Variants in KIAA0513 observed in about 807,000 individuals in gnomAD.
KIAA0513 encodes KIAA0513.
KIAA0513 carries 39 observed loss-of-function variants against 56.5 expected under a neutral mutation model. That is an observed-to-expected ratio of 0.69 (90% CI 0.53 to 0.90). The LOEUF is 0.90. Among genes scored for constraint, KIAA0513 ranks in the 40% least tolerant of loss-of-function variants. The pLI is 0.00. For synonymous variants in KIAA0513, 268 were observed against 215.6 expected (o/e 1.24, Z -2.13); for missense variants, 591 against 535.2 (o/e 1.10, Z -1.03).
At chr16:85,044,754 T>A (rs1013003897) in intron 1 of KIAA0513, among the ~76,000 whole-genome samples, 3 of 151,834 alleles carry the variant, frequency 2.0e-5, no homozygotes, top group African/African-American at 7.2e-5. Context: ...GATCCGCCTG[T>A]CTCAGCCTCC....
chr16:85,039,117 T>C (rs1374309347), intron 1 of KIAA0513, among the ~76,000 whole-genome samples: 2 of 152,232 alleles, frequency 1.3e-5, no homozygotes, highest in African/African-American at 4.8e-5. Context: ...ATAATACTTG[T>C]TGAGTGATTG....
intron 1 of KIAA0513, among the ~76,000 whole-genome samples, chr16:85,031,364 A>G (rs1227688156): frequency 6.6e-6 from 1 of 152,132 alleles, no homozygotes; most frequent in Non-Finnish European, 1.5e-5. Context: ...CAAACCTGTA[A>G]TCCCAGCTAC....
intron 1 of KIAA0513, among the ~76,000 whole-genome samples, chr16:85,042,795 A>G (rs1401341691): frequency 6.6e-6 from 1 of 152,252 alleles, no homozygotes; most frequent in Admixed American, 6.5e-5. Flanking sequence ...AGCAGGCAGC[A>G]GTCGGCTTGG....
chr16:85,039,533 G>C (rs1308965145), intron 1 of KIAA0513, among the ~76,000 whole-genome samples: 3 of 152,088 alleles, frequency 2.0e-5, no homozygotes, highest in Non-Finnish European at 4.4e-5. Context: ...TGAATTCCTG[G>C]GTTCAAGCGA....
chr16:85,088,246 T>C (rs979337208), intron 12 of KIAA0513, 30 bp from the exon 13 acceptor site: 4 of 1,605,480 alleles, frequency 2.5e-6, no homozygotes, highest in Non-Finnish European at 3.4e-6. Flanking sequence ...CTGTCTTTCA[T>C]CTGAGAAATA....
At chr16:85,057,468 A>T (rs2073345964) in intron 1 of KIAA0513, among the ~76,000 whole-genome samples, 1 of 152,138 alleles carries the variant, frequency 6.6e-6, no homozygotes, top group Non-Finnish European at 1.5e-5. Flanking sequence ...GCAGGTGTGG[A>T]GGAAGGAGCA....
intron 1 of KIAA0513, among the ~76,000 whole-genome samples, chr16:85,046,396 T>G (rs2073171818): frequency 6.6e-6 from 1 of 152,214 alleles, no homozygotes; most frequent in Non-Finnish European, 1.5e-5. Flanking sequence ...GCGAACTCCC[T>G]AAATTCTCCC....
intron 1 of KIAA0513, among the ~76,000 whole-genome samples, chr16:85,035,569 C>T (rs1029903930): frequency 6.6e-6 from 1 of 152,218 alleles, no homozygotes; most frequent in Non-Finnish European, 1.5e-5. Context: ...CCGCTCACTG[C>T]AGCCTTGATC....
At chr16:85,073,594 G>A (rs2073611411) in intron 4 of KIAA0513, among the ~76,000 whole-genome samples, 1 of 152,220 alleles carries the variant, frequency 6.6e-6, no homozygotes. Flanking sequence ...CTCTTCTCAG[G>A]AGCATGACTC....
At chr16:85,068,029 T>C (rs573845433) in intron 2 of KIAA0513, among the ~76,000 whole-genome samples, 1 of 152,260 alleles carries the variant, frequency 6.6e-6, no homozygotes, top group African/African-American at 2.4e-5. Context: ...CAAGCTGGTC[T>C]CGAACTCCTG....
chr16:85,087,099 T>C lies in KIAA0513; in HGVS notation c.1119T>C (p.Phe373=), dbSNP rs2073818260. 1 of 1,614,198 alleles carries C rather than the reference T, an allele frequency of 6.2e-7. No individual in the cohort carries two copies. The highest frequency in any genetic ancestry group is 8.5e-7 in the Non-Finnish European group (1 of 1,180,024). ...CATTCACGCACAACATGCTGGCCTT[T>C]GGACTGAACAAGAAGCTGTGCAATG... is the stretch of plus-strand genomic sequence containing the variant. The part of the protein sequence containing the change: ...LGTFTHNMLA[F]GLNKKLCNDF... Residue 373 remains phenylalanine (F), a synonymous_variant, in exon 12 of 13, where the codon TTT becomes TTC. Coordinates refer to ENST00000683363, the MANE Select transcript of KIAA0513 (RefSeq NM_001388359.1).
chr16:85,050,055 T>G (rs928080376), intron 1 of KIAA0513, among the ~76,000 whole-genome samples: 9 of 152,138 alleles, frequency 5.9e-5, no homozygotes, highest in Non-Finnish European at 2.9e-5. Flanking sequence ...GCGCGCCTTA[T>G]GGCGGGTTCT....
intron 10 of KIAA0513, 93 bp downstream of exon 10, chr16:85,082,686 TG>T: frequency 7.5e-7 from 1 of 1,334,032 alleles, no homozygotes; most frequent in Non-Finnish European, 1.1e-6. Flanking sequence ...GCTGAGCTGC[TG>T]CAGCAGGCAC....
chr16:85,054,040 G>T (rs148865838), intron 1 of KIAA0513, among the ~76,000 whole-genome samples: 1 of 150,216 alleles, frequency 6.7e-6, no homozygotes, highest in African/African-American at 2.5e-5. Flanking sequence ...CATGCTTGTA[G>T]TCCCAGCTAC....
At chr16:85,059,467 T>C (rs1446773449) in intron 1 of KIAA0513, among the ~76,000 whole-genome samples, 1 of 152,208 alleles carries the variant, frequency 6.6e-6, no homozygotes, top group Non-Finnish European at 1.5e-5. Context: ...GGAGGCAGTA[T>C]CCAGCTAAGG....
rs2073159450 is a variant in KIAA0513, at chr16:85,045,513, G to A, written c.-173+17655G>A. Among the ~76,000 whole-genome samples, 3 of 152,062 alleles carry A rather than the reference G, an allele frequency of 2.0e-5. No homozygotes were observed. In the South Asian group the frequency reaches 6.2e-4, roughly 32 times the overall value. ...TGGGATTACAGGCACCCACCATCAT[G>A]CCCAGCTAATTTTTGTATTTTTAGT... is the stretch of plus-strand genomic sequence containing the variant. On this transcript the variant is annotated intron_variant, in intron 1 of 12. Transcript: ENST00000683363.
rs1050070850 is a variant in KIAA0513, at chr16:85,071,793, G to A, written c.340G>A (p.Asp114Asn). Reference protein sequence around the residue: ...EKIFSGGEDLDQEEKAKFGEY... With the variant: ...EKIFSGGEDLNQEEKAKFGEY... ...TTTTTTTTTTTTTAGGGAGGACTTG[G>A]ATCAGGAGGAGAAAGCCAAGTTTGG... The change falls in exon 3 of 13, where the codon GAT becomes AAT. Residue 114 changes from aspartate to asparagine, a missense_variant. Physicochemically the swap from Asp to Asn is conservative, Grantham distance 23. Transcript: ENST00000683363. 6.3e-7 allele frequency: 1 copy of A among 1,590,970 alleles called. No homozygotes were observed. Among genetic ancestry groups the A allele is most frequent in the Non-Finnish European group, 8.6e-7 (1 of 1,167,246 alleles).
chr16:85,045,976 G>A (rs978825780), intron 1 of KIAA0513, among the ~76,000 whole-genome samples: 2 of 152,094 alleles, frequency 1.3e-5, no homozygotes, highest in Non-Finnish European at 2.9e-5. Context: ...TCAAAGGGAC[G>A]ACCACCCGAG....
chr16:85,061,877 G>A (rs905961320), intron 1 of KIAA0513, among the ~76,000 whole-genome samples: 14 of 152,178 alleles, frequency 9.2e-5, no homozygotes, highest in African/African-American at 2.9e-4. Context: ...AATACAGACC[G>A]CTGTGGCCTC....
Sources: allele counts gnomAD v4.1 joint callset (sites outside exome capture counted in the v4.1 genomes callset), GRCh38; gene constraint gnomAD v4.1.1; transcripts MANE v1.5; gene names NCBI Gene and HGNC (gene_info 2026-07-23, HGNC 2026-07-21).